Variants in EEF1AKMT4 observed in about 807,000 individuals in gnomAD.
The protein encoded by EEF1AKMT4 is EEF1A lysine methyltransferase 4.
EEF1AKMT4 carries 17 observed loss-of-function variants against 23.0 expected under a neutral mutation model. The observed-to-expected ratio is 0.74, with a 90% CI of 0.51 to 1.11. The LOEUF (loss-of-function observed/expected upper bound fraction) is 1.11, where lower values mean the gene tolerates loss of function less well. Ranked by LOEUF, EEF1AKMT4 falls within the 50% of genes least tolerant of loss-of-function variation. The probability of loss-of-function intolerance (pLI) is 0.00; values close to 1 mark genes in which losing one functional copy is unlikely to be tolerated. For synonymous variants in EEF1AKMT4, 140 were observed against 141.4 expected (o/e 0.99, Z 0.07); for missense variants, 318 against 333.4 (o/e 0.95, Z 0.36).
chr3:184,252,774 C>A (rs1719618052), intron 1 of EEF1AKMT4, among the ~76,000 whole-genome samples: 1 of 151,842 alleles, frequency 6.6e-6, no homozygotes, highest in African/African-American at 2.4e-5. Context: ...GAAACCCCGT[C>A]TCTACTAAAA....
intron 1 of EEF1AKMT4, among the ~76,000 whole-genome samples, chr3:184,256,272 C>CAAAAAAAAAAAAAAAAAAAA (rs59087969): frequency 1.8e-4 from 10 of 54,176 alleles, no homozygotes; most frequent in Non-Finnish European, 3.0e-4. Flanking sequence ...AACTCCATCT[C>CAAAAAAAAAAAAAAAAAAAA]AAAAAAAAAA....
chr3:184,256,272 C>T (rs1016857043), intron 1 of EEF1AKMT4, among the ~76,000 whole-genome samples: 3 of 54,206 alleles, frequency 5.5e-5, no homozygotes, highest in African/African-American at 1.3e-4. Flanking sequence ...AACTCCATCT[C>T]AAAAAAAAAA....
intron 1 of EEF1AKMT4, among the ~76,000 whole-genome samples, chr3:184,251,428 G>A (rs1719548215): frequency 6.6e-6 from 1 of 152,138 alleles, no homozygotes; most frequent in Admixed American, 6.5e-5. Context: ...AGGTACTTGG[G>A]AGGCTGAGGC....
In EEF1AKMT4 at chr3:184,251,415, C is replaced by T. The variant is rs529576416; in HGVS notation, c.196+1525C>T. Among the ~76,000 whole-genome samples, 61 of 152,284 alleles carry T rather than the reference C, an allele frequency of 4.0e-4. No homozygotes were observed. In the Middle Eastern group the frequency reaches 0.014, roughly 34 times the overall value. On this transcript the variant is annotated intron_variant, in intron 1 of 2. Transcript: ENST00000324557. Reference sequence around the variant, plus strand: ...AGGTGTGGTGGCACGTGCCTGTAATCCCAGGTACTTGGGAGGCTGAGGCAG... The same window carrying T: ...AGGTGTGGTGGCACGTGCCTGTAATTCCAGGTACTTGGGAGGCTGAGGCAG...
rs769951016 is a variant in EEF1AKMT4 at position 184,258,475 on chromosome 3, C to T, written c.668C>T (p.Ala223Val). ...GGGAAGCTCAGTGTGGCCCAGCTGG[C>T]TCTGGGGGCCCAAATCCTCTCACCC... ...KGGKLSVAQL[A>V]LGAQILSPPR... Residue 223 changes from alanine (A) to valine (V), a missense_variant, in exon 3 of 3, where the codon GCT (alanine) becomes GTT (valine). Physicochemically the swap from Ala to Val is moderately conservative, Grantham distance 64. Transcript: ENST00000324557. 1.7e-5 allele frequency: 28 copies of T among 1,613,774 alleles called. No individual in the cohort carries two copies. Among genetic ancestry groups the T allele is most frequent in the Non-Finnish European group, 2.2e-5 (26 of 1,179,888 alleles).
At chr3:184,257,821 G>C in intron 2 of EEF1AKMT4, 65 bp downstream of exon 2, 6 of 1,539,632 alleles carry the variant, frequency 3.9e-6, no homozygotes, top group Admixed American at 3.9e-5. Context: ...GGTTTCAGGG[G>C]ACTGGAAGAA....
At chr3:184,255,008 A>G (rs1441325150) in intron 1 of EEF1AKMT4, among the ~76,000 whole-genome samples, 1 of 152,210 alleles carries the variant, frequency 6.6e-6, no homozygotes, top group Non-Finnish European at 1.5e-5. Context: ...AACAGAATCA[A>G]AAGTCACTGC....
chr3:184,251,058 C>T (rs370821784), intron 1 of EEF1AKMT4, among the ~76,000 whole-genome samples: 1 of 144,186 alleles, frequency 6.9e-6, no homozygotes, highest in Non-Finnish European at 1.5e-5. Flanking sequence ...GCACTCCAGC[C>T]TGTGCAAGAA....
Position 184,257,515 on chromosome 3 carries a change from G to A in EEF1AKMT4, c.239G>A (p.Gly80Asp), listed in dbSNP as rs1719865769. ...CTGAGCTACGAGCTGTTCCTCGGAGGCTTCCCTAATGTGACCAGTGTGGAC... is the reference window on the plus strand; with the variant it reads ...CTGAGCTACGAGCTGTTCCTCGGAGACTTCCCTAATGTGACCAGTGTGGAC... Reference protein sequence around the residue: ...SALSYELFLGGFPNVTSVDYS... With the variant: ...SALSYELFLGDFPNVTSVDYS... The change falls in exon 2 of 3, where the codon GGC (glycine) becomes GAC (aspartate). Residue 80 changes from glycine to aspartate, a missense_variant. Gly to Asp is a moderately conservative substitution (Grantham distance 94, BLOSUM62 -1). Transcript: ENST00000324557. 3 of 1,611,872 alleles carry A rather than the reference G, an allele frequency of 1.9e-6. No homozygotes were observed. Among genetic ancestry groups the A allele is most frequent in the Non-Finnish European group, 2.5e-6 (3 of 1,178,256 alleles).
chr3:184,251,027 G>A (rs1413835684), intron 1 of EEF1AKMT4, among the ~76,000 whole-genome samples: 1 of 150,850 alleles, frequency 6.6e-6, no homozygotes, highest in African/African-American at 2.4e-5. Context: ...GGAGGTTGTG[G>A]TGAGCCAAGA....
At chr3:184,253,245 C>T (rs1719638135) in intron 1 of EEF1AKMT4, among the ~76,000 whole-genome samples, 1 of 152,136 alleles carries the variant, frequency 6.6e-6, no homozygotes, top group Admixed American at 6.6e-5. Flanking sequence ...AAACACACAC[C>T]AAAACCCAGG....
chr3:184,255,701 C>T (rs560217146), intron 1 of EEF1AKMT4, among the ~76,000 whole-genome samples: 1 of 152,202 alleles, frequency 6.6e-6, no homozygotes, highest in East Asian at 1.9e-4. Flanking sequence ...GACCCTACCC[C>T]CTTTGGGACT....
intron 1 of EEF1AKMT4, among the ~76,000 whole-genome samples, chr3:184,252,776 C>T (rs1719618309): frequency 1.3e-5 from 2 of 151,854 alleles, no homozygotes; most frequent in South Asian, 4.2e-4. Context: ...AACCCCGTCT[C>T]TACTAAAAAC....
rs780377070 is a variant in EEF1AKMT4, at chr3:184,257,504, G to A, written c.228G>A (p.Leu76=). The change falls in exon 2 of 3, where the codon CTG becomes CTA. Residue 76 remains leucine, a synonymous_variant. Coordinates refer to ENST00000324557, the MANE Select transcript of EEF1AKMT4 (RefSeq NM_032331.4). ...GCGNSALSYE[L]FLGGFPNVTS... The stretch of plus-strand genomic sequence containing the variant: ...GGAACAGTGCCCTGAGCTACGAGCT[G>A]TTCCTCGGAGGCTTCCCTAATGTGA... The A allele has an allele frequency of 3.7e-6, 6 of 1,610,296 alleles. No homozygotes were observed. The South Asian group carries it at 6.6e-5, about 18-fold the overall frequency.
In EEF1AKMT4 at chr3:184,256,637, C is replaced by G. The variant is rs913117051; in HGVS notation, c.197-836C>G. Among the ~76,000 whole-genome samples the G allele has an allele frequency of 2.6e-5, 4 of 152,000 alleles. No individual in the cohort carries two copies. In the East Asian group the frequency reaches 7.7e-4, roughly 29 times the overall value. The stretch of plus-strand genomic sequence containing the variant: ...AATCTCTGAACTCCTAACTTTAGAG[C>G]TCCTTCAGCTACTCTACAGTTCTTA... On this transcript the variant is annotated intron_variant, in intron 1 of 2. Coordinates refer to ENST00000324557, the MANE Select transcript of EEF1AKMT4 (RefSeq NM_032331.4).
chr3:184,252,458 T>C (rs947394125), intron 1 of EEF1AKMT4, among the ~76,000 whole-genome samples: 2 of 152,170 alleles, frequency 1.3e-5, no homozygotes, highest in African/African-American at 4.8e-5. Flanking sequence ...CCTTTCTAAC[T>C]TACTTAATCC....
In EEF1AKMT4 at chr3:184,249,801, C is replaced by G; in HGVS notation, c.107C>G (p.Ser36Cys). The change falls in exon 1 of 3, where the codon TCT becomes TGT. Residue 36 changes from serine to cysteine, a missense_variant. Physicochemically the swap from Ser to Cys is moderately radical, Grantham distance 112 (BLOSUM62 -1). Transcript: ENST00000324557. ...WDQRYQGAAD[S>C]APYDWFGDFS... ...CAGCGCTACCAAGGCGCAGCCGATT[C>G]TGCCCCCTACGATTGGTTCGGGGAC... The G allele has an allele frequency of 6.2e-7, 1 of 1,613,398 alleles. No homozygotes were observed. The highest frequency in any genetic ancestry group is 8.5e-7 in the Non-Finnish European group (1 of 1,180,006).
At chr3:184,252,310 T>A (rs1054303427) in intron 1 of EEF1AKMT4, among the ~76,000 whole-genome samples, 1 of 152,052 alleles carries the variant, frequency 6.6e-6, no homozygotes, top group African/African-American at 2.4e-5. Context: ...GGGCAAGAAG[T>A]CTAAAAATCA....
intron 1 of EEF1AKMT4, among the ~76,000 whole-genome samples, chr3:184,251,462 G>A (rs1036857303): frequency 2.6e-5 from 4 of 152,116 alleles, no homozygotes; most frequent in African/African-American, 9.7e-5. Context: ...GAGCCCAGGA[G>A]GTGGAGGTTG....
Sources: gnomAD v4.1 joint callset for allele counts (sites outside exome capture counted in the v4.1 genomes callset) on GRCh38, gnomAD v4.1.1 for gene constraint, MANE v1.5 for transcripts, NCBI Gene and HGNC (gene_info 2026-07-23, HGNC 2026-07-21) for gene names.